CDH18: variants seen among roughly 807,000 people sequenced by gnomAD.
CDH18 encodes cadherin-18.
A neutral mutation model predicts 67.9 loss-of-function variants in CDH18; 31 were observed. That is an observed-to-expected ratio of 0.46 (90% CI 0.34 to 0.62). The LOEUF (loss-of-function observed/expected upper bound fraction) is 0.62. Ranked by LOEUF, CDH18 falls within the 20% of genes least tolerant of loss-of-function variation. The pLI is 0.01. For missense variants in CDH18, 890 were observed against 975.5 expected, an observed-to-expected ratio of 0.91 and a Z score of 1.17; for synonymous variants, 362 against 347.2, an observed-to-expected ratio of 1.04 and a Z score of -0.48.
At chr5:19,974,520 CAAAAA>C (rs70954626) in intron 2 of CDH18, among the ~76,000 whole-genome samples, 2 of 78,274 alleles carry the variant, frequency 2.6e-5, no homozygotes. Context: ...TCCTGTCTCC[CAAAAA>C]AAAAAAAAAA....
At chr5:19,708,456 G>C (rs551836058) in intron 5 of CDH18, among the ~76,000 whole-genome samples, 1 of 152,118 alleles carries the variant, frequency 6.6e-6, no homozygotes, top group Non-Finnish European at 1.5e-5. Flanking sequence ...AAAAAAAAAG[G>C]GGGGGACATG....
intron 2 of CDH18, among the ~76,000 whole-genome samples, chr5:20,245,455 T>C (rs1179476910): frequency 6.6e-6 from 1 of 151,938 alleles, no homozygotes; most frequent in African/African-American, 2.4e-5. Context: ...CGAGAGAAGG[T>C]TCTAAAATTA....
intron 2 of CDH18, among the ~76,000 whole-genome samples, chr5:20,253,532 G>A (rs1238791611): frequency 1.3e-5 from 2 of 152,150 alleles, no homozygotes; most frequent in Non-Finnish European, 2.9e-5. Context: ...TGATCCAAGA[G>A]CTGAATGATG....
intron 1 of CDH18, among the ~76,000 whole-genome samples, chr5:20,528,345 T>C (rs1455515491): frequency 1.3e-5 from 2 of 151,922 alleles, no homozygotes; most frequent in African/African-American, 4.8e-5. Context: ...GACAGATCAT[T>C]TAGACAGAAA....
At chr5:20,008,803 T>C (rs529164549) in intron 2 of CDH18, among the ~76,000 whole-genome samples, 35 of 152,202 alleles carry the variant, frequency 2.3e-4, no homozygotes, top group Non-Finnish European at 3.5e-4. Flanking sequence ...AAGTAGCCAA[T>C]ATGTCTAGAG....
chr5:19,522,321 T>C (rs1328787287), intron 9 of CDH18, among the ~76,000 whole-genome samples: 1 of 151,952 alleles, frequency 6.6e-6, no homozygotes. Flanking sequence ...AATCTAAGAA[T>C]TAAAGGAACC....
chr5:20,302,101 A>T (rs1735988472), intron 1 of CDH18, among the ~76,000 whole-genome samples: 1 of 152,194 alleles, frequency 6.6e-6, no homozygotes, highest in African/African-American at 2.4e-5. Flanking sequence ...ATTTCAGAAT[A>T]ACAAAATATA....
chr5:19,861,466 T>G (rs1784902683), intron 2 of CDH18, among the ~76,000 whole-genome samples: 1 of 152,096 alleles, frequency 6.6e-6, no homozygotes, highest in Admixed American at 6.6e-5. Context: ...CAATGTGAAC[T>G]TTGCTTTGGT....
chr5:19,648,121 T>C (rs1286620933), intron 5 of CDH18, among the ~76,000 whole-genome samples: 1 of 151,972 alleles, frequency 6.6e-6, no homozygotes, highest in Non-Finnish European at 1.5e-5. Context: ...GTTTCAGTTA[T>C]AAAGAGAAGC....
chr5:19,739,699 T>C (rs531989748), intron 4 of CDH18, among the ~76,000 whole-genome samples: 2 of 152,348 alleles, frequency 1.3e-5, no homozygotes, highest in African/African-American at 4.8e-5. Context: ...TTGTCCAATG[T>C]GTCTCTTCAT....
intron 2 of CDH18, among the ~76,000 whole-genome samples, chr5:20,056,010 T>TA: frequency 7.5e-6 from 1 of 132,884 alleles, no homozygotes; most frequent in African/African-American, 3.0e-5. Flanking sequence ...TTTTTTTTTT[T>TA]TTTTTTTTTG....
At chr5:19,664,273 G>T in intron 5 of CDH18, among the ~76,000 whole-genome samples, 1 of 85,240 alleles carries the variant, frequency 1.2e-5, no homozygotes, top group East Asian at 4.3e-4. Flanking sequence ...ATGATCAAAT[G>T]GTCCTATGGG....
At chr5:20,084,465 G>T (rs547435315) in intron 2 of CDH18, among the ~76,000 whole-genome samples, 88 of 152,274 alleles carry the variant, frequency 5.8e-4, no homozygotes, top group African/African-American at 2.0e-3. Context: ...CAAGCTGTCA[G>T]TGGATATACC....
At chr5:20,162,486 C>CAT (rs1161029198) in intron 2 of CDH18, among the ~76,000 whole-genome samples, 3 of 123,010 alleles carry the variant, frequency 2.4e-5, no homozygotes, top group Non-Finnish European at 4.9e-5. Context: ...TGGTAATAGA[C>CAT]ATATATATAA....
At chr5:20,293,505 A>T (rs887687045) in intron 1 of CDH18, among the ~76,000 whole-genome samples, 1 of 152,172 alleles carries the variant, frequency 6.6e-6, no homozygotes. Flanking sequence ...ATTGTCCAAC[A>T]TGGAAAAGTA....
intron 5 of CDH18, among the ~76,000 whole-genome samples, chr5:19,696,225 ATGTGTGTGTG>A (rs1192392126): frequency 2.7e-5 from 2 of 74,984 alleles, no homozygotes; most frequent in African/African-American, 7.9e-5. Flanking sequence ...CACCAAATAT[ATGTGTGTGTG>A]TGTGTGTGTG....
chr5:19,922,700 G>A (rs950835374), intron 2 of CDH18, among the ~76,000 whole-genome samples: 8 of 152,046 alleles, frequency 5.3e-5, no homozygotes, highest in East Asian at 3.9e-4. Flanking sequence ...CTGGACATTC[G>A]TTTAAACTCT....
At chr5:20,337,747 C>A (rs114227659) in intron 1 of CDH18, among the ~76,000 whole-genome samples, 1 of 152,358 alleles carries the variant, frequency 6.6e-6, no homozygotes, top group African/African-American at 2.4e-5. Flanking sequence ...AGTTCCAAAG[C>A]AGCTTTCACA....
intron 3 of CDH18, among the ~76,000 whole-genome samples, chr5:19,755,460 C>CACACATATAT (rs1771460112): frequency 4.6e-5 from 1 of 21,890 alleles, no homozygotes; most frequent in African/African-American, 8.1e-5. Flanking sequence ...TATATATATA[C>CACACATATAT]ACACACACAC....
Sources: allele counts gnomAD v4.1 joint callset (sites outside exome capture counted in the v4.1 genomes callset), GRCh38; gene constraint gnomAD v4.1.1; transcripts MANE v1.5; gene names NCBI Gene and HGNC (gene_info 2026-07-23, HGNC 2026-07-21).